Variants in TMEM100 observed in about 807,000 individuals in gnomAD.
TMEM100 encodes the protein transmembrane protein 100.
For missense variants in TMEM100, 137 were observed against 168.2 expected, an observed-to-expected ratio of 0.81 and a Z score of 1.02; for synonymous variants, 61 against 67.1, an observed-to-expected ratio of 0.91 and a Z score of 0.44.
At chr17:55,731,681 G>A (rs901818703) in exon 1 of TMEM100, 1 of 152,144 alleles carries the variant, frequency 6.6e-6, no homozygotes, top group Admixed American at 6.5e-5. Context: ...CTTTTACTGT[G>A]GATAGTCATC....
upstream of TMEM100, among the ~76,000 whole-genome samples, chr17:55,725,701 A>ATGTGTGTGTGTG (rs57564459): frequency 9.9e-4 from 138 of 139,674 alleles, 1 homozygote; most frequent in East Asian, 2.4e-3. Flanking sequence ...ACCCATATAT[A>ATGTGTGTGTGTG]TGTGTGTGTG....
At chr17:55,726,262 A>C (rs146913258), upstream of TMEM100, among the ~76,000 whole-genome samples, 38 of 152,292 alleles carry the variant, frequency 2.5e-4, no homozygotes, top group East Asian at 6.8e-3. Flanking sequence ...AAATTGCAAA[A>C]ATCTCATTTT....
chr17:55,720,537 T>G lies in TMEM100; in HGVS notation c.*129A>C. The G allele has an allele frequency of 2.2e-6, 1 of 461,008 alleles. No individual in the cohort carries two copies. The highest frequency in any genetic ancestry group is 4.1e-6 in the Non-Finnish European group (1 of 244,956). The allele number at this position is 461,008 out of a possible 1,614,324, so 28.6% of individuals were successfully genotyped here. On this transcript the variant is annotated 3_prime_UTR_variant, in exon 2 of 2. Transcript: ENST00000424486. ...TCACAAAGGAGAAGCCCCTCCACCC[T>G]CCCACCCCCATTCTTCCAGTCTGCT...
At position 55,719,987 on chromosome 17, in the gene TMEM100, G is replaced by T. The variant is rs1261404179; in HGVS notation, c.*679C>A. On this transcript the variant is annotated 3_prime_UTR_variant, in exon 2 of 2. Transcript: ENST00000424486. ...CTTTTATATAAAAATCATCAAAAGTGCTATATTGGATTATTTTACTATTAA... is the reference window on the plus strand; with the variant it reads ...CTTTTATATAAAAATCATCAAAAGTTCTATATTGGATTATTTTACTATTAA... The T allele has an allele frequency of 6.6e-6, 1 of 152,556 alleles. No individual in the cohort carries two copies. Among genetic ancestry groups the T allele is most frequent in the African/African-American group, 2.4e-5 (1 of 41,426 alleles). 9.5% of individuals were successfully genotyped at this position (152,556 alleles called of 1,614,324 possible). A position where few individuals can be genotyped will look rare whatever the true frequency, so the allele number is the denominator to read the frequency against.
At chr17:55,727,576 A>T (rs1017362625), upstream of TMEM100, among the ~76,000 whole-genome samples, 3 of 152,162 alleles carry the variant, frequency 2.0e-5, no homozygotes, top group Non-Finnish European at 4.4e-5. Flanking sequence ...TCAGGTGCCA[A>T]ATATCACTTG....
upstream of TMEM100, among the ~76,000 whole-genome samples, chr17:55,725,701 A>ATGTGTGTGTGTGTGTGTG (rs57564459): frequency 2.9e-5 from 4 of 139,590 alleles, no homozygotes; most frequent in East Asian, 2.2e-4. Flanking sequence ...ACCCATATAT[A>ATGTGTGTGTGTGTGTGTG]TGTGTGTGTG....
chr17:55,731,775 T>C (rs1006005010), exon 1 of TMEM100: 1 of 152,178 alleles, frequency 6.6e-6, no homozygotes, highest in Non-Finnish European at 1.5e-5. Flanking sequence ...AATCAGAAAT[T>C]CTAGGTTTTC....
chr17:55,730,458 T>C (rs547408296), intron 1 of TMEM100, among the ~76,000 whole-genome samples: 3 of 152,310 alleles, frequency 2.0e-5, no homozygotes, highest in African/African-American at 7.2e-5. Context: ...CAAAGTCTGA[T>C]TGATGCCAAA....
At chr17:55,728,330 C>A (rs1315003187) in intron 1 of TMEM100, among the ~76,000 whole-genome samples, 1 of 152,128 alleles carries the variant, frequency 6.6e-6, no homozygotes, top group Non-Finnish European at 1.5e-5. Flanking sequence ...AGGGTGATAT[C>A]CTCTAACTAG....
At chr17:55,728,554 G>A (rs1285362101) in intron 1 of TMEM100, among the ~76,000 whole-genome samples, 1 of 152,216 alleles carries the variant, frequency 6.6e-6, no homozygotes, top group Non-Finnish European at 1.5e-5. Context: ...AGTCACCCAG[G>A]CCATTCCTCT....
rs368688956 is a variant in TMEM100, at chr17:55,730,808, A to G, written c.-359+863T>C. Among the ~76,000 whole-genome samples, 20 of 152,346 alleles carry G rather than the reference A, an allele frequency of 1.3e-4. No individual in the cohort carries two copies. In the East Asian group the frequency reaches 2.5e-3, roughly 19 times the overall value. ...ATCTAATGAACTTATCTTATGGAAC[A>G]ATGCAGAGAACAGATCTCTTGCTCT... On this transcript the variant is annotated intron_variant, in intron 1 of 3. Transcript: ENST00000575734.
rs181821843 is a variant in TMEM100 at position 55,731,482 on chromosome 17, T to C, written c.-359+189A>G. 2.8e-3 allele frequency among the ~76,000 whole-genome samples: 424 copies of C among 152,274 alleles called. 4 individuals are homozygous for C. The highest frequency in any genetic ancestry group is 9.8e-3 in the African/African-American group (406 of 41,532). On this transcript the variant is annotated intron_variant, in intron 1 of 3. Transcript: ENST00000575734. ...TCTATTGTCAGATCTCAGGATTCCA[T>C]CTGTAGATACTTCATTATTCTTTTC...
upstream of TMEM100, among the ~76,000 whole-genome samples, chr17:55,727,404 C>T (rs1488537516): frequency 6.6e-6 from 1 of 152,178 alleles, no homozygotes; most frequent in Admixed American, 6.5e-5. Flanking sequence ...TGAGCTAAGG[C>T]TCACATATTC....
chr17:55,731,404 G>A (rs1909202090), intron 1 of TMEM100, among the ~76,000 whole-genome samples: 1 of 152,110 alleles, frequency 6.6e-6, no homozygotes, highest in South Asian at 2.1e-4. Flanking sequence ...AGAAACTTGA[G>A]TTTGATTCTT....
At chr17:55,729,854 A>G (rs1243470476) in intron 1 of TMEM100, among the ~76,000 whole-genome samples, 1 of 152,210 alleles carries the variant, frequency 6.6e-6, no homozygotes, top group Non-Finnish European at 1.5e-5. Context: ...AGTGTTAGAC[A>G]TTATTTTAAA....
In TMEM100 at chr17:55,730,920, A is replaced by G. The variant is rs138566827; in HGVS notation, c.-359+751T>C. Among the ~76,000 whole-genome samples the G allele has an allele frequency of 3.3e-4, 51 of 152,340 alleles. 2 individuals are homozygous for G. Among genetic ancestry groups the G allele is most frequent in the African/African-American group, 1.1e-3 (46 of 41,576 alleles). ...CTTCTTGTTTACTTAAATAAACTAT[A>G]CAGGAAACAGGCATTATTGTCTTTG... On this transcript the variant is annotated intron_variant, in intron 1 of 3. Coordinates refer to the TMEM100 transcript ENST00000575734.
chr17:55,720,570 C>T lies in TMEM100; in HGVS notation c.*96G>A. On this transcript the variant is annotated 3_prime_UTR_variant, in exon 2 of 2. Coordinates refer to ENST00000424486, the MANE Select transcript of TMEM100 (RefSeq NM_018286.3). ...CCATTCTTCCAGTCTGCTCCAACGC[C>T]AAGTCTGTTCTCTCCCACCATGGTT... The T allele has an allele frequency of 6.8e-7, 1 of 1,469,154 alleles. No individual in the cohort carries two copies. The highest frequency in any genetic ancestry group is 9.1e-7 in the Non-Finnish European group (1 of 1,094,690). The allele number at this position is 1,469,154 out of a possible 1,614,324, so 91.0% of individuals were successfully genotyped here. A position where few individuals can be genotyped will look rare whatever the true frequency, so the allele number is the denominator to read the frequency against.
intron 1 of TMEM100, 44 bp from the exon 2 acceptor site, chr17:55,721,179 A>T (rs1908874657): frequency 7.5e-7 from 1 of 1,324,848 alleles, no homozygotes; most frequent in Admixed American, 2.5e-5. Context: ...ATCAGAATGT[A>T]CACCCTGTAA....
chr17:55,731,353 C>A (rs939558876), intron 1 of TMEM100, among the ~76,000 whole-genome samples: 1 of 152,130 alleles, frequency 6.6e-6, no homozygotes, highest in Non-Finnish European at 1.5e-5. Context: ...TTCTGACTCT[C>A]CAATATTATG....
Sources: gnomAD v4.1 joint callset for allele counts (sites outside exome capture counted in the v4.1 genomes callset) on GRCh38, gnomAD v4.1.1 for gene constraint, MANE v1.5 for transcripts, NCBI Gene and HGNC (gene_info 2026-07-23, HGNC 2026-07-21) for gene names.